The following KLHL29 variants were observed in gnomAD, a reference collection of about 807,000 sequenced individuals.
KLHL29 encodes the protein kelch-like protein 29.
A neutral mutation model predicts 80.4 loss-of-function variants in KLHL29; 21 were observed. The observed-to-expected ratio is 0.26, with a 90% CI of 0.19 to 0.38. The LOEUF is 0.38. KLHL29 is among the 10% of genes least tolerant of loss of function. KLHL29 has a pLI of 1.00. For synonymous variants in KLHL29, 511 were observed against 526.8 expected (o/e 0.97, Z 0.41); for missense variants, 867 against 1,223.9 (o/e 0.71, Z 4.35).
In KLHL29 at chr2:23,642,356, C is replaced by A; in HGVS notation, c.446C>A (p.Thr149Asn). The change falls in exon 5 of 14, where the codon ACC becomes AAC. Residue 149 changes from threonine (T) to asparagine (N), a missense_variant. Coordinates refer to ENST00000486442, the MANE Select transcript of KLHL29 (RefSeq NM_052920.2). Reference sequence around the variant, plus strand: ...CTTGCAGGCACAGGGCCATGGGTGACCACGGTGGCCGCCGGGAACCAGCCC... The same window carrying A: ...CTTGCAGGCACAGGGCCATGGGTGAACACGGTGGCCGCCGGGAACCAGCCC... ...SDNPGTGPWV[T>N]TVAAGNQPTL... 7.0e-7 allele frequency: 1 copy of A among 1,435,160 alleles called. No individual in the cohort carries two copies. The highest frequency in any genetic ancestry group is 9.2e-7 in the Non-Finnish European group (1 of 1,089,236). The allele number at this position is 1,435,160 out of a possible 1,614,324, so 88.9% of individuals were successfully genotyped here.
At chr2:23,630,599 T>C (rs1443682592) in intron 3 of KLHL29, among the ~76,000 whole-genome samples, 5 of 152,142 alleles carry the variant, frequency 3.3e-5, no homozygotes, top group Non-Finnish European at 7.3e-5. Context: ...TTCTCCTGCC[T>C]CAGTCTCCCC....
At chr2:23,691,626 C>A (rs1163636774) in intron 6 of KLHL29, 48 bp from the exon 7 acceptor site, 2 of 1,485,592 alleles carry the variant, frequency 1.3e-6, no homozygotes, top group African/African-American at 1.4e-5. Flanking sequence ...GGAAGCGGCA[C>A]GGTGGCCGCA....
intron 5 of KLHL29, among the ~76,000 whole-genome samples, chr2:23,674,014 G>T (rs1454621210): frequency 6.6e-6 from 1 of 152,150 alleles, no homozygotes; most frequent in African/African-American, 2.4e-5. Flanking sequence ...TCTCACCCCT[G>T]CAGCCAGCTG....
chr2:23,531,730 C>A (rs989972752), intron 2 of KLHL29, among the ~76,000 whole-genome samples: 2 of 152,204 alleles, frequency 1.3e-5, no homozygotes, highest in Non-Finnish European at 2.9e-5. Context: ...ATTTCCAATT[C>A]CGCAGCAACT....
intron 13 of KLHL29, among the ~76,000 whole-genome samples, chr2:23,706,278 T>C (rs1209486386): frequency 1.3e-5 from 2 of 152,182 alleles, no homozygotes; most frequent in Admixed American, 6.5e-5. Flanking sequence ...CAGGGTGGCA[T>C]AGCACGGCTT....
In KLHL29 at chr2:23,596,570, C is replaced by T. The variant is rs1668397989; in HGVS notation, c.285+34089C>T. 6.6e-6 allele frequency among the ~76,000 whole-genome samples: 1 copy of T among 152,216 alleles called. No homozygotes were observed. The highest frequency in any genetic ancestry group is 2.1e-4 in the South Asian group (1 of 4,820). On this transcript the variant is annotated intron_variant, in intron 3 of 13. Coordinates refer to ENST00000486442, the MANE Select transcript of KLHL29 (RefSeq NM_052920.2). The surrounding 1 kb of genome is among the most constrained non-coding windows in gnomAD (Gnocchi z 4.4). ...GAAAATAGACCTCACGCTGAGTCAT[C>T]CTTCTCCATAATGGAAGATGAGATT...
intron 1 of KLHL29, among the ~76,000 whole-genome samples, chr2:23,390,239 G>A (rs1242939504): frequency 6.6e-6 from 1 of 152,136 alleles, no homozygotes; most frequent in Non-Finnish European, 1.5e-5. Context: ...CCACCTTTAG[G>A]GTAGAAAGGA....
intron 3 of KLHL29, among the ~76,000 whole-genome samples, chr2:23,597,891 A>G (rs1171419573): frequency 6.6e-6 from 1 of 152,116 alleles, no homozygotes; most frequent in Non-Finnish European, 1.5e-5. Flanking sequence ...CTGCCCGTTC[A>G]TGGCCTCTGG....
chr2:23,387,011 C>G (rs937929088), intron 1 of KLHL29, among the ~76,000 whole-genome samples: 3 of 152,138 alleles, frequency 2.0e-5, no homozygotes, highest in African/African-American at 7.2e-5. Context: ...TCGCGCGGGC[C>G]CCCAGAGATG....
intron 1 of KLHL29, among the ~76,000 whole-genome samples, chr2:23,472,611 G>A (rs1664525322): frequency 6.6e-6 from 1 of 152,142 alleles, no homozygotes; most frequent in Non-Finnish European, 1.5e-5. Flanking sequence ...TCCAGCCTGG[G>A]CAACAGAGTG....
At chr2:23,555,053 A>G (rs1340341415) in intron 2 of KLHL29, among the ~76,000 whole-genome samples, 1 of 152,028 alleles carries the variant, frequency 6.6e-6, no homozygotes, top group African/African-American at 2.4e-5. Context: ...AAGCTCTTCC[A>G]TCAAGGCAGG....
intron 3 of KLHL29, among the ~76,000 whole-genome samples, chr2:23,633,038 C>A: frequency 6.6e-6 from 1 of 152,194 alleles, no homozygotes; most frequent in East Asian, 1.9e-4. Flanking sequence ...CCGTGAGCAT[C>A]CCTTGCCAGA....
chr2:23,425,876 T>C (rs1200610324), intron 1 of KLHL29, among the ~76,000 whole-genome samples: 2 of 152,318 alleles, frequency 1.3e-5, no homozygotes, highest in East Asian at 3.9e-4. Flanking sequence ...TCTTTCTTCA[T>C]AGGGCACAAA....
chr2:23,429,709 G>A lies in KLHL29; in HGVS notation c.-154+43929G>A, dbSNP rs1226241271. ...GCAGAAGTTTCAGTGAGCTGAGATC[G>A]TGCCACTGTACTCCAGCCTGGATGA... On this transcript the variant is annotated intron_variant, in intron 1 of 13. Transcript: ENST00000486442. Among the ~76,000 whole-genome samples the A allele has an allele frequency of 4.0e-5, 6 of 151,706 alleles. No individual in the cohort carries two copies. The South Asian group carries it at 8.3e-4, about 21-fold the overall frequency.
chr2:23,553,732 C>T (rs1240550443), intron 2 of KLHL29, among the ~76,000 whole-genome samples: 3 of 152,360 alleles, frequency 2.0e-5, no homozygotes, highest in South Asian at 2.1e-4. Flanking sequence ...GTCCCAGCCC[C>T]GCCATGTGCC....
intron 3 of KLHL29, among the ~76,000 whole-genome samples, chr2:23,584,475 C>T (rs896538484): frequency 1.3e-5 from 2 of 152,170 alleles, no homozygotes; most frequent in Non-Finnish European, 2.9e-5. Context: ...TGTTCATGCT[C>T]GTAATTTACG....
intron 11 of KLHL29, among the ~76,000 whole-genome samples, chr2:23,699,756 C>A (rs72796135): frequency 2.0e-5 from 3 of 152,348 alleles, no homozygotes; most frequent in Admixed American, 6.5e-5. Flanking sequence ...ACTGGCCCCA[C>A]CACACGAGAA....
chr2:23,679,911 G>A lies in KLHL29; in HGVS notation c.941-4488G>A, dbSNP rs150692764. ...GAGGGAAGATCCAGGCGGAGGGGAC[G>A]GAGACTTGGAGTGGGGACGTGTGTG... On this transcript the variant is annotated intron_variant, in intron 5 of 13. Transcript: ENST00000486442. Among the ~76,000 whole-genome samples the A allele has an allele frequency of 6.7e-4, 102 of 152,102 alleles. 1 individual carries two copies. The highest frequency in any genetic ancestry group is 3.3e-3 in the South Asian group (16 of 4,828).
intron 3 of KLHL29, among the ~76,000 whole-genome samples, chr2:23,586,603 C>T (rs1709291): frequency 0.035 from 5,307 of 152,114 alleles, 269 homozygotes; most frequent in African/African-American, 0.12. Flanking sequence ...TCAGGTGATC[C>T]GTCCACCTGG....
Sources: gnomAD v4.1 joint callset for allele counts (sites outside exome capture counted in the v4.1 genomes callset) on GRCh38, gnomAD v4.1.1 for gene constraint, Gnocchi (gnomAD v3.1) non-coding constraint, MANE v1.5 for transcripts, NCBI Gene and HGNC (gene_info 2026-07-23, HGNC 2026-07-21) for gene names.